COL5A2: variants seen among roughly 807,000 people sequenced by gnomAD.
COL5A2 encodes the protein collagen alpha-2(V) chain.
Under a neutral mutation model 208.2 loss-of-function variants are expected in COL5A2, and 23 were observed. The observed-to-expected ratio is 0.11, with a 90% CI of 0.08 to 0.16. COL5A2 has a LOEUF of 0.16. Among genes scored for constraint, COL5A2 ranks in the 10% least tolerant of loss-of-function variants. The pLI, the probability that COL5A2 is intolerant of heterozygous loss-of-function variation, is 1.00. For missense variants in COL5A2, 1,590 were observed against 1,956.4 expected, an observed-to-expected ratio of 0.81 and a Z score of 3.53; for synonymous variants, 625 against 628.5, an observed-to-expected ratio of 0.99 and a Z score of 0.08.
chr2:189,092,169 G>A, intron 7 of COL5A2, 141 bp downstream of exon 7: 2 of 702,834 alleles, frequency 2.8e-6, no homozygotes, highest in Non-Finnish European at 5.2e-6. Context: ...TAGTTCTACT[G>A]TCCATAGCAG....
In COL5A2 at chr2:189,067,951, T is replaced by C. The variant is rs1686188431; in HGVS notation, c.1401+64A>G. 23 of 1,288,756 alleles carry C rather than the reference T, an allele frequency of 1.8e-5. No individual in the cohort carries two copies. The South Asian group carries it at 2.7e-4, about 15-fold the overall frequency. The allele number at this position is 1,288,756 out of a possible 1,614,324, so 79.8% of individuals were successfully genotyped here. On this transcript the variant is annotated intron_variant, in intron 21 of 53. Coordinates refer to ENST00000374866, the MANE Select transcript of COL5A2 (RefSeq NM_000393.5). ...TGTTTCATTGCATCACATGACATGT[T>C]ATTACTCTTGGCCCTCGTAGTTAGA...
intron 1 of COL5A2, among the ~76,000 whole-genome samples, chr2:189,127,325 A>C (rs1372511498): frequency 2.6e-5 from 4 of 152,054 alleles, no homozygotes; most frequent in Non-Finnish European, 5.9e-5. Context: ...CTTCAGAGTG[A>C]GTAGGATTTT....
chr2:189,111,624 C>G (rs1045228739), intron 1 of COL5A2, among the ~76,000 whole-genome samples: 3 of 152,128 alleles, frequency 2.0e-5, no homozygotes, highest in African/African-American at 7.2e-5. Flanking sequence ...TTTCAGAGAC[C>G]TTTTCAAAGA....
chr2:189,271,568 C>T, the COL5A2 span, among the ~76,000 whole-genome samples: 1 of 152,084 alleles, frequency 6.6e-6, no homozygotes, highest in Non-Finnish European at 1.5e-5. Context: ...AGAAGAAAAC[C>T]TAGACAATAC....
At chr2:189,199,238 T>G (rs1020280249) in intron 1 of COL5A2, among the ~76,000 whole-genome samples, 9 of 152,204 alleles carry the variant, frequency 5.9e-5, no homozygotes, top group African/African-American at 2.2e-4. Flanking sequence ...TATTCATGTT[T>G]AGCAAAGATT....
At chr2:189,058,319 T>C (rs1318882958) in intron 33 of COL5A2, 110 bp downstream of exon 33, 5 of 891,904 alleles carry the variant, frequency 5.6e-6, no homozygotes, top group Non-Finnish European at 9.2e-6. Context: ...GAAAATGATA[T>C]AATCAAATTA....
intron 35 of COL5A2, among the ~76,000 whole-genome samples, chr2:189,056,506 C>T (rs139193539): frequency 4.6e-5 from 7 of 152,250 alleles, no homozygotes; most frequent in Non-Finnish European, 8.8e-5. Flanking sequence ...CTTGTTCAAA[C>T]TGTTTATTAA....
rs77106862 is a variant in COL5A2 at position 189,151,378 on chromosome 2, A to G, written c.97+28130T>C. 3.7e-3 allele frequency among the ~76,000 whole-genome samples: 565 copies of G among 152,308 alleles called. 3 individuals are homozygous for G. Among genetic ancestry groups the G allele is most frequent in the African/African-American group, 0.012 (511 of 41,582 alleles). On this transcript the variant is annotated intron_variant, in intron 1 of 53. Transcript: ENST00000374866. The stretch of plus-strand genomic sequence containing the variant: ...ATAAAGGCATAATGACAAATGAAGC[A>G]ATCTTCAGAGCAAAGACAATCTAGA...
the COL5A2 span, among the ~76,000 whole-genome samples, chr2:189,397,731 T>A: frequency 0.56 from 85,666 of 151,784 alleles, 26,011 homozygotes; most frequent in East Asian, 0.69. Flanking sequence ...CAAAGATTTA[T>A]CAAACTTATT....
At chr2:189,282,224 T>C in the COL5A2 span, among the ~76,000 whole-genome samples, 1 of 151,952 alleles carries the variant, frequency 6.6e-6, no homozygotes, top group Non-Finnish European at 1.5e-5. Context: ...CCATTATTAA[T>C]AATCAAAGCA....
At chr2:189,177,748 A>G (rs914666281) in intron 1 of COL5A2, among the ~76,000 whole-genome samples, 5 of 152,204 alleles carry the variant, frequency 3.3e-5, no homozygotes, top group Non-Finnish European at 7.3e-5. Flanking sequence ...GTCAATTACT[A>G]TTAAGAAAAA....
chr2:189,104,305 AT>A, intron 2 of COL5A2, 28 bp from the exon 3 acceptor site: 1 of 1,410,650 alleles, frequency 7.1e-7, no homozygotes, highest in Non-Finnish European at 1.0e-6. Context: ...TAAATGTGTT[AT>A]TTTATGAGGA....
At chr2:189,365,953 C>T in the COL5A2 span, among the ~76,000 whole-genome samples, 5 of 152,300 alleles carry the variant, frequency 3.3e-5, no homozygotes, top group South Asian at 2.1e-4. Flanking sequence ...GTCTCATGTG[C>T]AACTGAGAAA....
At chr2:189,241,087 C>G in the COL5A2 span, among the ~76,000 whole-genome samples, 2 of 152,260 alleles carry the variant, frequency 1.3e-5, no homozygotes, top group South Asian at 4.1e-4. Context: ...CTTCAATCTT[C>G]TATAATGTTC....
At chr2:189,146,447 TAC>T in intron 1 of COL5A2, among the ~76,000 whole-genome samples, 1 of 152,216 alleles carries the variant, frequency 6.6e-6, no homozygotes, top group South Asian at 2.1e-4. Flanking sequence ...TACAGATGAT[TAC>T]AGACATCAGT....
At chr2:189,179,133 G>A (rs536229519) in intron 1 of COL5A2, among the ~76,000 whole-genome samples, 1 of 152,258 alleles carries the variant, frequency 6.6e-6, no homozygotes, top group South Asian at 2.1e-4. Flanking sequence ...AGCTTCTGCC[G>A]CGACTTTTCC....
the COL5A2 span, among the ~76,000 whole-genome samples, chr2:189,258,322 T>C: frequency 6.6e-6 from 1 of 152,192 alleles, no homozygotes; most frequent in Non-Finnish European, 1.5e-5. Context: ...TCTCATATTT[T>C]CTTCCACTGG....
chr2:189,398,591 C>A, the COL5A2 span, among the ~76,000 whole-genome samples: 2 of 152,050 alleles, frequency 1.3e-5, no homozygotes, highest in Admixed American at 6.6e-5. Flanking sequence ...TATCAGCTTT[C>A]TTCTGGTTGC....
rs372780282 is a variant in COL5A2, at chr2:189,051,410, A to C, written c.2841T>G (p.Pro947=). The C allele has an allele frequency of 6.2e-7, 1 of 1,613,972 alleles. No homozygotes were observed. The highest frequency in any genetic ancestry group is 2.2e-5 in the East Asian group (1 of 44,858). The stretch of plus-strand genomic sequence containing the variant: ...GATCTCCCACACGCCCATGAGAGCC[A>C]GGGTCCCCACGAAGACCTGGAGGTC... The part of the protein sequence containing the change: ...KEGPPGLRGD[P]GSHGRVGDRG... Residue 947 remains proline (P), a synonymous_variant, in exon 42 of 54, where the codon CCT becomes CCG. Coordinates refer to ENST00000374866, the MANE Select transcript of COL5A2 (RefSeq NM_000393.5).
Sources: gnomAD v4.1 joint callset for allele counts (sites outside exome capture counted in the v4.1 genomes callset) on GRCh38, gnomAD v4.1.1 for gene constraint, MANE v1.5 for transcripts, NCBI Gene and HGNC (gene_info 2026-07-23, HGNC 2026-07-21) for gene names.